The following MPP7 variants were observed in gnomAD, a reference collection of about 807,000 sequenced individuals.
MPP7 encodes MAGUK p55 subfamily member 7.
In MPP7, 60 loss-of-function variants were observed where a neutral mutation model predicts 76.5. The observed-to-expected ratio is 0.78, with a 90% CI of 0.64 to 0.97. The LOEUF (loss-of-function observed/expected upper bound fraction) is 0.97. Ranked by LOEUF, MPP7 falls within the 50% of genes least tolerant of loss-of-function variation. The pLI is 0.00. For missense variants in MPP7, 641 were observed against 694.0 expected (o/e 0.92, Z 0.86); for synonymous variants, 237 against 244.5 (o/e 0.97, Z 0.29).
At chr10:28,191,770 G>A (rs1463794053) in intron 3 of MPP7, among the ~76,000 whole-genome samples, 3 of 152,140 alleles carry the variant, frequency 2.0e-5, no homozygotes, top group African/African-American at 7.2e-5. Flanking sequence ...GTAAATTAAT[G>A]TAATCTATCA....
intron 2 of MPP7, among the ~76,000 whole-genome samples, chr10:28,327,760 C>T (rs149941421): frequency 0.014 from 2,099 of 152,236 alleles, 19 homozygotes; most frequent in Non-Finnish European, 0.019. Context: ...CCTGGCTGCT[C>T]AGCACACTAG....
chr10:28,196,945 C>A (rs1468572193), intron 3 of MPP7, among the ~76,000 whole-genome samples: 2 of 152,146 alleles, frequency 1.3e-5, no homozygotes, highest in Non-Finnish European at 2.9e-5. Flanking sequence ...TAGAAGAAAG[C>A]CCATTTACCT....
Position 28,099,026 on chromosome 10 carries a change from AT to A in MPP7, c.953-9186del, listed in dbSNP as rs374782167. Among the ~76,000 whole-genome samples, 121 of 152,284 alleles carry A rather than the reference AT, an allele frequency of 7.9e-4. 1 individual carries two copies. The East Asian group carries it at 0.021, about 26-fold the overall frequency. On this transcript the variant is annotated intron_variant, in intron 11 of 16. Coordinates refer to ENST00000683449, the MANE Select transcript of MPP7 (RefSeq NM_001318170.2). ...ATTCTTTGGCTCTCACAAACACATA[AT>A]TTCAATGTAAACTTATAATGTACCT...
At chr10:28,059,042 C>T (rs1310861403) in intron 14 of MPP7, among the ~76,000 whole-genome samples, 1 of 152,174 alleles carries the variant, frequency 6.6e-6, no homozygotes, top group Non-Finnish European at 1.5e-5. Flanking sequence ...TATAAAAACA[C>T]AATCACTGCG....
chr10:28,312,039 G>T lies in MPP7; in HGVS notation c.-132+17890C>A, dbSNP rs527814170. Among the ~76,000 whole-genome samples, 7 of 152,230 alleles carry T rather than the reference G, an allele frequency of 4.6e-5. No homozygotes were observed. The East Asian group carries it at 1.4e-3, about 29-fold the overall frequency. ...TCTGGCTGACTTCAAGAATGGAGATGGTCCTTATTAACAGCTCTTAAAGAT... is the reference window on the plus strand; with the variant it reads ...TCTGGCTGACTTCAAGAATGGAGATTGTCCTTATTAACAGCTCTTAAAGAT... On this transcript the variant is annotated intron_variant, in intron 2 of 11. Coordinates refer to the MPP7 transcript ENST00000441595.
chr10:28,105,629 T>C (rs914737000), intron 11 of MPP7, among the ~76,000 whole-genome samples: 2 of 152,190 alleles, frequency 1.3e-5, no homozygotes, highest in Non-Finnish European at 1.5e-5. Context: ...TGCCTCAGCC[T>C]CCTGAGTAAC....
intron 3 of MPP7, among the ~76,000 whole-genome samples, chr10:28,182,079 A>C (rs1415181082): frequency 6.6e-6 from 1 of 152,120 alleles, no homozygotes; most frequent in Non-Finnish European, 1.5e-5. Flanking sequence ...GAGTGGAGTG[A>C]GCCCAGACCA....
Position 28,240,412 on chromosome 10 carries a change from C to T in MPP7, c.-131-1677G>A, listed in dbSNP as rs543657912. On this transcript the variant is annotated intron_variant, in intron 1 of 16. Transcript: ENST00000683449. The stretch of plus-strand genomic sequence containing the variant: ...CTTTTTAATTGTTAAAGTGAAAATT[C>T]GTATTAAAAACTTCACCATCAAATG... 2.4e-4 allele frequency among the ~76,000 whole-genome samples: 37 copies of T among 152,122 alleles called. 1 individual carries two copies. The highest frequency in any genetic ancestry group is 6.7e-4 in the African/African-American group (28 of 41,532).
At chr10:28,260,532 A>G (rs1396754432) in intron 1 of MPP7, among the ~76,000 whole-genome samples, 3 of 151,998 alleles carry the variant, frequency 2.0e-5, no homozygotes, top group Admixed American at 2.0e-4. Flanking sequence ...CCAACACTTT[A>G]GGAGGCCAAG....
intron 1 of MPP7, among the ~76,000 whole-genome samples, chr10:28,278,800 C>T: frequency 6.8e-6 from 1 of 146,088 alleles, no homozygotes; most frequent in Admixed American, 6.9e-5. Flanking sequence ...TTATCCGTAA[C>T]ATTTCATTTA....
At chr10:28,271,137 A>G (rs1840314574) in intron 1 of MPP7, among the ~76,000 whole-genome samples, 1 of 152,230 alleles carries the variant, frequency 6.6e-6, no homozygotes, top group South Asian at 2.1e-4. Context: ...TTCTAGGCAA[A>G]AGGAAGTTAG....
intron 4 of MPP7, among the ~76,000 whole-genome samples, chr10:28,149,281 A>G (rs1564659239): frequency 6.6e-6 from 1 of 152,234 alleles, no homozygotes; most frequent in South Asian, 2.1e-4. Flanking sequence ...CCTTCGCACT[A>G]AACATATTTC....
At chr10:28,327,392 A>C (rs978349247) in intron 2 of MPP7, among the ~76,000 whole-genome samples, 18 of 150,402 alleles carry the variant, frequency 1.2e-4, no homozygotes, top group Non-Finnish European at 2.5e-4. Flanking sequence ...GAAAAAAAAA[A>C]TTTATATTTC....
intron 1 of MPP7, among the ~76,000 whole-genome samples, chr10:28,286,241 G>T (rs528923499): frequency 6.6e-6 from 1 of 152,056 alleles, no homozygotes; most frequent in African/African-American, 2.4e-5. Context: ...AGCTACTCAG[G>T]AGGCTGAGGC....
chr10:28,184,435 A>T (rs1250442897), intron 3 of MPP7, among the ~76,000 whole-genome samples: 1 of 149,162 alleles, frequency 6.7e-6, no homozygotes, highest in East Asian at 1.9e-4. Context: ...TTGATCAGGC[A>T]TGGTGGCTCA....
intron 2 of MPP7, among the ~76,000 whole-genome samples, chr10:28,213,759 T>C (rs1378016004): frequency 1.6e-5 from 2 of 128,876 alleles, no homozygotes; most frequent in Non-Finnish European, 3.1e-5. Flanking sequence ...GCCATTGCAC[T>C]CCAACCTGGG....
chr10:28,260,095 C>A (rs1839902000), intron 1 of MPP7, among the ~76,000 whole-genome samples: 1 of 152,156 alleles, frequency 6.6e-6, no homozygotes, highest in Non-Finnish European at 1.5e-5. Context: ...TTTAACAAAA[C>A]AAACAAAAAC....
chr10:28,295,417 G>A (rs1841015498), intron 1 of MPP7, among the ~76,000 whole-genome samples: 1 of 152,120 alleles, frequency 6.6e-6, no homozygotes, highest in Non-Finnish European at 1.5e-5. Flanking sequence ...GTAATCAGAA[G>A]CCATAATAGG....
At chr10:28,129,523 G>T (rs1835125613) in intron 6 of MPP7, among the ~76,000 whole-genome samples, 1 of 151,728 alleles carries the variant, frequency 6.6e-6, no homozygotes. Context: ...AGGAAGCGGA[G>T]GTTGCAGTGA....
Sources: allele counts gnomAD v4.1 joint callset (sites outside exome capture counted in the v4.1 genomes callset), GRCh38; gene constraint gnomAD v4.1.1; transcripts MANE v1.5; gene names NCBI Gene and HGNC (gene_info 2026-07-23, HGNC 2026-07-21).